The following LOXHD1 variants were observed in gnomAD, a reference collection of about 807,000 sequenced individuals.
The protein encoded by LOXHD1 is lipoxygenase homology domain-containing protein 1.
Under a neutral mutation model 248.2 loss-of-function variants are expected in LOXHD1, and 205 were observed. The ratio of observed to expected loss-of-function variants is 0.83; its 90% CI spans 0.74 to 0.93. LOXHD1 has a LOEUF of 0.93. Ranked by LOEUF, LOXHD1 falls within the 40% of genes least tolerant of loss-of-function variation. The probability of loss-of-function intolerance (pLI) is 0.00; values close to 1 mark genes in which losing one functional copy is unlikely to be tolerated. For synonymous variants in LOXHD1, 1,113 were observed against 1,162.8 expected (o/e 0.96, Z 0.87); for missense variants, 2,930 against 2,971.6 (o/e 0.99, Z 0.33).
chr18:46,615,492 T>C (rs909257598), intron 5 of LOXHD1, among the ~76,000 whole-genome samples: 2 of 152,248 alleles, frequency 1.3e-5, no homozygotes, highest in African/African-American at 4.8e-5. Context: ...CTTTAATTAC[T>C]TAGACATATG....
intron 21 of LOXHD1, among the ~76,000 whole-genome samples, chr18:46,548,558 G>C (rs975394145): frequency 1.3e-5 from 2 of 152,224 alleles, no homozygotes; most frequent in African/African-American, 2.4e-5. Context: ...AATGCACACT[G>C]TTCTGCTTCT....
chr18:46,594,410 C>T lies in LOXHD1; in HGVS notation c.1191G>A (p.Trp397Ter). The T allele has an allele frequency of 6.4e-7, 1 of 1,551,666 alleles. No individual in the cohort carries two copies. Among genetic ancestry groups the T allele is most frequent in the Non-Finnish European group, 8.7e-7 (1 of 1,146,990 alleles). The stretch of plus-strand genomic sequence containing the variant: ...ACCCATCCGCTTTCTTCTCATCCAG[C>T]CAGTTGCTACAAGGGAAGGTCTGCT... The part of the protein sequence containing the change: ...GIQQTFPCSN[W>*]LDEKKADGLI... Residue 397 changes from tryptophan (W) to a stop codon, truncating the protein, a stop_gained, in exon 9 of 41, where the codon TGG becomes TGA. Transcript: ENST00000642948. LOFTEE classifies it high-confidence loss of function.
At chr18:46,566,873 T>A (rs16978577) in intron 16 of LOXHD1, among the ~76,000 whole-genome samples, 9 of 152,200 alleles carry the variant, frequency 5.9e-5, no homozygotes, top group Middle Eastern at 3.2e-3. Context: ...GTTGTATATA[T>A]TTCTGCATTT....
chr18:46,608,504 C>G (rs2038456459), intron 6 of LOXHD1, among the ~76,000 whole-genome samples: 1 of 152,198 alleles, frequency 6.6e-6, no homozygotes, highest in Non-Finnish European at 1.5e-5. Flanking sequence ...TGCTGTCTTT[C>G]TTTTCAGAAT....
chr18:46,640,879 A>T (rs982902983), intron 3 of LOXHD1, among the ~76,000 whole-genome samples: 1 of 152,142 alleles, frequency 6.6e-6, no homozygotes, highest in Non-Finnish European at 1.5e-5. Context: ...TGCATCAAAC[A>T]TCTTACCCCT....
chr18:46,622,648 A>G (rs532622921), intron 4 of LOXHD1, among the ~76,000 whole-genome samples: 1 of 152,314 alleles, frequency 6.6e-6, no homozygotes, highest in South Asian at 2.1e-4. Flanking sequence ...ACCATTAGCT[A>G]AGCATCTCAA....
intron 6 of LOXHD1, among the ~76,000 whole-genome samples, chr18:46,608,619 C>T (rs1288956595): frequency 1.3e-5 from 2 of 152,194 alleles, no homozygotes; most frequent in Non-Finnish European, 2.9e-5. Context: ...CAGAAAACCA[C>T]CTGAAAACAC....
At position 46,521,214 on chromosome 18, in the gene LOXHD1, G is replaced by A. The variant is rs2035563775; in HGVS notation, c.5154C>T (p.Thr1718=). ...AGTTCAACATGTACTTGGTGCCCTG[G>A]GTGGGCACTGCCAAACACAACTCTT... ...LVEELCLAVP[T]QGTKYMLNCN... Residue 1718 remains threonine, a synonymous_variant, in exon 33 of 41, where the codon ACC becomes ACT. Transcript: ENST00000642948. 1.3e-6 allele frequency: 2 copies of A among 1,551,718 alleles called. No homozygotes were observed. The highest frequency in any genetic ancestry group is 1.7e-6 in the Non-Finnish European group (2 of 1,147,010).
chr18:46,490,453 T>C (rs1685083616), intron 37 of LOXHD1, among the ~76,000 whole-genome samples: 1 of 152,234 alleles, frequency 6.6e-6, no homozygotes, highest in African/African-American at 2.4e-5. Context: ...AAAACACTTC[T>C]GTTGAGTTAA....
At chr18:46,495,625 T>C (rs1023861376) in intron 37 of LOXHD1, among the ~76,000 whole-genome samples, 1 of 152,222 alleles carries the variant, frequency 6.6e-6, no homozygotes, top group Admixed American at 6.5e-5. Context: ...CTCAATACAT[T>C]GTATTCCTCA....
chr18:46,503,172 A>T (rs935295445), intron 37 of LOXHD1, among the ~76,000 whole-genome samples: 17 of 152,204 alleles, frequency 1.1e-4, no homozygotes, highest in African/African-American at 3.9e-4. Flanking sequence ...AGCCAGACAG[A>T]GAGTTGGAAG....
intron 14 of LOXHD1, among the ~76,000 whole-genome samples, chr18:46,574,115 C>T (rs544626473): frequency 2.0e-5 from 3 of 152,168 alleles, no homozygotes; most frequent in Admixed American, 6.5e-5. Context: ...AAGCCCTCGG[C>T]CATCTGAAAA....
chr18:46,622,266 A>T lies in LOXHD1; in HGVS notation c.512-3976T>A, dbSNP rs910082059. ...GCTCTGCTGTTGTGGCATGAAAGCAACAATAGACAATATTACATAAACAAA... is the reference window on the plus strand; with the variant it reads ...GCTCTGCTGTTGTGGCATGAAAGCATCAATAGACAATATTACATAAACAAA... On this transcript the variant is annotated intron_variant, in intron 4 of 40. Coordinates refer to ENST00000642948, the MANE Select transcript of LOXHD1 (RefSeq NM_001384474.1). Among the ~76,000 whole-genome samples the T allele has an allele frequency of 3.3e-5, 5 of 152,254 alleles. 1 individual carries two copies. Among genetic ancestry groups the T allele is most frequent in the Admixed American group, 3.3e-4 (5 of 15,290 alleles).
chr18:46,611,617 GTTCT>G lies in LOXHD1; in HGVS notation c.611-697_611-694del, dbSNP rs776563594. Among the ~76,000 whole-genome samples, 9 of 152,148 alleles carry G rather than the reference GTTCT, an allele frequency of 5.9e-5. No homozygotes were observed. In the South Asian group the frequency reaches 8.3e-4, roughly 14 times the overall value. On this transcript the variant is annotated intron_variant, in intron 5 of 40. Coordinates refer to ENST00000642948, the MANE Select transcript of LOXHD1 (RefSeq NM_001384474.1). ...CCAATTTTTGCTGAAACCATCCTGT[GTTCT>G]TTCTTTTTAATTTTTTTTAAATTTT...
intron 21 of LOXHD1, among the ~76,000 whole-genome samples, chr18:46,553,602 G>A (rs2037196851): frequency 6.6e-6 from 1 of 152,220 alleles, no homozygotes; most frequent in Non-Finnish European, 1.5e-5. Context: ...TGCCTGTAGT[G>A]TGCCAGACAT....
intron 4 of LOXHD1, among the ~76,000 whole-genome samples, chr18:46,637,672 A>G (rs1364070951): frequency 6.6e-6 from 1 of 152,180 alleles, no homozygotes; most frequent in African/African-American, 2.4e-5. Context: ...AATGTATGAA[A>G]AAAGTTCAAC....
chr18:46,579,866 T>G, intron 12 of LOXHD1, 82 bp from the exon 13 acceptor site: 2 of 1,454,166 alleles, frequency 1.4e-6, no homozygotes, highest in Non-Finnish European at 1.8e-6. Context: ...TTCTAAGCTC[T>G]GATTCCTCCT....
At chr18:46,515,331 G>T (rs931839687) in intron 34 of LOXHD1, among the ~76,000 whole-genome samples, 2 of 152,028 alleles carry the variant, frequency 1.3e-5, no homozygotes, top group Non-Finnish European at 2.9e-5. Context: ...TCTTAACAAG[G>T]ACTTCAAGAC....
At chr18:46,574,878 C>A (rs150676207) in intron 14 of LOXHD1, among the ~76,000 whole-genome samples, 3 of 152,182 alleles carry the variant, frequency 2.0e-5, no homozygotes, top group Non-Finnish European at 2.9e-5. Flanking sequence ...TCCCAGCTCC[C>A]CCAGCACCAT....
Sources: allele counts gnomAD v4.1 joint callset (sites outside exome capture counted in the v4.1 genomes callset), GRCh38; gene constraint gnomAD v4.1.1; transcripts MANE v1.5; gene names NCBI Gene and HGNC (gene_info 2026-07-23, HGNC 2026-07-21).